The following ATP8A2 variants were observed in gnomAD, a reference collection of about 807,000 sequenced individuals.
ATP8A2 encodes the protein ATPase phospholipid transporting 8A2.
ATP8A2 carries 100 observed loss-of-function variants against 165.6 expected under a neutral mutation model. The ratio of observed to expected loss-of-function variants is 0.60; its 90% confidence interval spans 0.51 to 0.71. The LOEUF (loss-of-function observed/expected upper bound fraction) is 0.71. Among genes scored for constraint, ATP8A2 ranks in the 30% least tolerant of loss-of-function variants. The probability of loss-of-function intolerance (pLI) is 0.00; values close to 1 mark genes in which losing one functional copy is unlikely to be tolerated. For synonymous variants in ATP8A2, 543 were observed against 548.8 expected (o/e 0.99, Z 0.15); for missense variants, 1,227 against 1,479.5 (o/e 0.83, Z 2.80).
At chr13:25,415,988 T>G (rs2034121674) in intron 1 of ATP8A2, among the ~76,000 whole-genome samples, 1 of 152,148 alleles carries the variant, frequency 6.6e-6, no homozygotes, top group East Asian at 1.9e-4. Flanking sequence ...ACCACCACTC[T>G]GGCTATTTTT....
intron 33 of ATP8A2, among the ~76,000 whole-genome samples, chr13:25,919,091 G>C (rs1593557784): frequency 6.6e-6 from 1 of 152,168 alleles, no homozygotes; most frequent in East Asian, 1.9e-4. Context: ...TGGAAAGTAA[G>C]TGAAATTCAC....
intron 33 of ATP8A2, among the ~76,000 whole-genome samples, chr13:25,864,837 C>A (rs575953372): frequency 3.9e-5 from 6 of 152,200 alleles, no homozygotes; most frequent in Admixed American, 2.0e-4. Context: ...AACTGTGTAT[C>A]ATCTCTAGCC....
At chr13:25,743,643 G>A (rs2043965304) in intron 25 of ATP8A2, among the ~76,000 whole-genome samples, 1 of 152,204 alleles carries the variant, frequency 6.6e-6, no homozygotes, top group Admixed American at 6.5e-5. Flanking sequence ...TCTGGCATGT[G>A]TGGGACAGGA....
intron 6 of ATP8A2, among the ~76,000 whole-genome samples, chr13:25,536,071 A>G (rs2038272185): frequency 6.6e-6 from 1 of 151,924 alleles, no homozygotes; most frequent in Admixed American, 6.6e-5. Context: ...ACTTCTTCTG[A>G]TTTTTATATG....
intron 24 of ATP8A2, among the ~76,000 whole-genome samples, chr13:25,634,948 T>A (rs1303029768): frequency 6.6e-6 from 1 of 152,104 alleles, no homozygotes; most frequent in Admixed American, 6.6e-5. Context: ...CACTTTTTTT[T>A]GGATGGGGGA....
At position 25,665,827 on chromosome 13, in the gene ATP8A2, A is replaced by G. The variant is rs560005639; in HGVS notation, c.2212-33346A>G. ...GCCTCCTGGGTAGCTAGCTGGGACT[A>G]CAGATGCACACCACCACTCCTGTCT... On this transcript the variant is annotated intron_variant, in intron 24 of 36. Coordinates refer to ENST00000381655, the MANE Select transcript of ATP8A2 (RefSeq NM_016529.6). Among the ~76,000 whole-genome samples, 24 of 151,820 alleles carry G rather than the reference A, an allele frequency of 1.6e-4. No homozygotes were observed. The South Asian group carries it at 4.2e-3, about 26-fold the overall frequency.
chr13:25,553,508 T>A (rs1380192065), intron 11 of ATP8A2, among the ~76,000 whole-genome samples: 1 of 152,198 alleles, frequency 6.6e-6, no homozygotes, highest in Non-Finnish European at 1.5e-5. Context: ...CTTCAAAACT[T>A]GAAAGCAGCA....
At chr13:25,825,311 C>T (rs1951288105) in intron 27 of ATP8A2, among the ~76,000 whole-genome samples, 1 of 151,486 alleles carries the variant, frequency 6.6e-6, no homozygotes, top group African/African-American at 2.4e-5. Flanking sequence ...AGGTGTGCAT[C>T]ACCACACCCA....
intron 35 of ATP8A2, among the ~76,000 whole-genome samples, chr13:25,997,494 C>T (rs1433855257): frequency 6.6e-6 from 1 of 152,154 alleles, no homozygotes; most frequent in Non-Finnish European, 1.5e-5. Context: ...ACATTTTCAG[C>T]CACTATTTCT....
intron 1 of ATP8A2, among the ~76,000 whole-genome samples, chr13:25,448,944 C>T (rs972149681): frequency 2.0e-5 from 3 of 152,136 alleles, no homozygotes; most frequent in Non-Finnish European, 2.9e-5. Flanking sequence ...GGATTACAGG[C>T]GTGAGCCACC....
intron 35 of ATP8A2, among the ~76,000 whole-genome samples, chr13:25,992,692 G>GT (rs1018173960): frequency 6.6e-6 from 1 of 150,432 alleles, no homozygotes; most frequent in Non-Finnish European, 1.5e-5. Flanking sequence ...TTTTTTGTTT[G>GT]TTTTTTTAAT....
intron 36 of ATP8A2, among the ~76,000 whole-genome samples, chr13:26,019,657 C>A (rs118175487): frequency 6.6e-6 from 1 of 152,196 alleles, no homozygotes; most frequent in Non-Finnish European, 1.5e-5. Flanking sequence ...GAGGCTTTCC[C>A]TTCCCAGCAT....
At chr13:25,864,910 T>G (rs933230522) in intron 33 of ATP8A2, among the ~76,000 whole-genome samples, 1 of 152,246 alleles carries the variant, frequency 6.6e-6, no homozygotes, top group Non-Finnish European at 1.5e-5. Context: ...AACTTTAGTG[T>G]CACAGCCAAC....
intron 27 of ATP8A2, among the ~76,000 whole-genome samples, chr13:25,798,168 C>G (rs1284314219): frequency 1.3e-5 from 2 of 152,142 alleles, no homozygotes; most frequent in Admixed American, 6.5e-5. Context: ...TAATGGCCAC[C>G]ATGTGTCACA....
chr13:25,513,852 C>CAGGCTGAGGCAGGACAATCAGTCAAGG, intron 2 of ATP8A2, among the ~76,000 whole-genome samples: 1 of 152,154 alleles, frequency 6.6e-6, no homozygotes, highest in South Asian at 2.1e-4. Context: ...AGGCACTTGG[C>CAGGCTGAGGCAGGACAATCAGTCAAGG]AGGCTGAGGC....
At chr13:25,683,963 A>G (rs901913182) in intron 24 of ATP8A2, among the ~76,000 whole-genome samples, 2 of 152,258 alleles carry the variant, frequency 1.3e-5, no homozygotes, top group African/African-American at 4.8e-5. Context: ...AAGAGAATCA[A>G]ATAGTAAAGG....
intron 24 of ATP8A2, among the ~76,000 whole-genome samples, chr13:25,628,097 T>C (rs928464703): frequency 6.6e-6 from 1 of 152,192 alleles, no homozygotes; most frequent in Non-Finnish European, 1.5e-5. Flanking sequence ...TGTTTAATGG[T>C]GTCAGATGTG....
chr13:25,398,756 A>G (rs1275799219), intron 1 of ATP8A2, among the ~76,000 whole-genome samples: 2 of 152,216 alleles, frequency 1.3e-5, no homozygotes, highest in African/African-American at 4.8e-5. Flanking sequence ...ATACAACATG[A>G]TAAGCTCTGT....
chr13:25,669,908 A>G (rs988095038), intron 24 of ATP8A2, among the ~76,000 whole-genome samples: 1 of 152,172 alleles, frequency 6.6e-6, no homozygotes, highest in African/African-American at 2.4e-5. Flanking sequence ...GCAGGTCAAA[A>G]TACATACCTG....
Sources: allele counts gnomAD v4.1 joint callset (sites outside exome capture counted in the v4.1 genomes callset), GRCh38; gene constraint gnomAD v4.1.1; transcripts MANE v1.5; gene names NCBI Gene and HGNC (gene_info 2026-07-23, HGNC 2026-07-21).